The following ATP10B variants were observed in gnomAD, a reference collection of about 807,000 sequenced individuals.
ATP10B encodes phospholipid-transporting ATPase VB.
Under a neutral mutation model 141.2 loss-of-function variants are expected in ATP10B, and 122 were observed. The ratio of observed to expected loss-of-function variants is 0.86; its 90% CI spans 0.75 to 1.00. The LOEUF is 1.00. ATP10B is among the 50% of genes least tolerant of loss of function. The pLI, the probability that ATP10B is intolerant of heterozygous loss-of-function variation, is 0.00. For synonymous variants in ATP10B, 685 were observed against 692.0 expected (o/e 0.99, Z 0.16); for missense variants, 1,876 against 1,825.3 (o/e 1.03, Z -0.51).
chr5:160,756,654 C>G (rs1298817400), intron 2 of ATP10B, among the ~76,000 whole-genome samples: 1 of 151,682 alleles, frequency 6.6e-6, no homozygotes, highest in Non-Finnish European at 1.5e-5. Flanking sequence ...TATTTGCCAT[C>G]CGTAATTTTT....
At chr5:160,873,418 A>T in the ATP10B span, among the ~76,000 whole-genome samples, 6 of 152,010 alleles carry the variant, frequency 3.9e-5, no homozygotes, top group Non-Finnish European at 7.4e-5. Flanking sequence ...ACATAATAAA[A>T]GGTACACAGG....
chr5:160,687,783 G>A lies in ATP10B; in HGVS notation c.275+17C>T. 6.2e-7 allele frequency: 1 copy of A among 1,609,502 alleles called. No homozygotes were observed. Among genetic ancestry groups the A allele is most frequent in the Non-Finnish European group, 8.5e-7 (1 of 1,177,366 alleles). On this transcript the variant is annotated intron_variant, in intron 5 of 25. Transcript: ENST00000327245. The stretch of plus-strand genomic sequence containing the variant: ...CTTTCTCTAAAAAGAGTATTGTTCA[G>A]ACAAGTGGATCTCTACCTATGAAAT...
At chr5:160,859,253 A>G in the ATP10B span, among the ~76,000 whole-genome samples, 1 of 151,870 alleles carries the variant, frequency 6.6e-6, no homozygotes, top group African/African-American at 2.4e-5. Flanking sequence ...GAAACTTCTC[A>G]TATAGAACTT....
At chr5:160,675,514 G>A (rs73306694) in intron 6 of ATP10B, among the ~76,000 whole-genome samples, 1,634 of 152,288 alleles carry the variant, frequency 0.011, 34 homozygotes, top group African/African-American at 0.038. Flanking sequence ...CATTTCTCAA[G>A]CATCTGGATT....
At chr5:160,657,753 G>T (rs1761605758) in intron 7 of ATP10B, among the ~76,000 whole-genome samples, 1 of 152,226 alleles carries the variant, frequency 6.6e-6, no homozygotes, top group Admixed American at 6.5e-5. Context: ...AATTGTCTGT[G>T]TAATTCCCTG....
In ATP10B at chr5:160,564,045, T is replaced by C. The variant is rs2127590387; in HGVS notation, c.*1408A>G. On this transcript the variant is annotated 3_prime_UTR_variant, in exon 26 of 26. Coordinates refer to ENST00000327245, the MANE Select transcript of ATP10B (RefSeq NM_025153.3). ...CTCCCTGTGTCATTTGCCAACTTGA[T>C]TGAATGTTTTCTGGCATCTTTGCTG... 6.6e-6 allele frequency: 1 copy of C among 152,398 alleles called. No individual in the cohort carries two copies. The highest frequency in any genetic ancestry group is 1.9e-4 in the East Asian group (1 of 5,186). 9.4% of individuals were successfully genotyped at this position (152,398 alleles called of 1,614,324 possible).
the ATP10B span, among the ~76,000 whole-genome samples, chr5:160,927,143 G>T: frequency 1.3e-5 from 2 of 152,124 alleles, no homozygotes; most frequent in Non-Finnish European, 1.5e-5. Context: ...GAAACACCTT[G>T]GATCCCCTGA....
At position 160,686,280 on chromosome 5, in the gene ATP10B, G is replaced by A. The variant is rs771602397; in HGVS notation, c.276-7C>T. ...GAAATAGAGGTTAGCCCATCTGGAG[G>A]GGCAAGCGAAGTGTGAATAAACACT... On this transcript the variant is annotated splice_polypyrimidine_tract_variant and splice_region_variant and intron_variant, in intron 5 of 25. Transcript: ENST00000327245. 15 of 1,564,520 alleles carry A rather than the reference G, an allele frequency of 9.6e-6. No individual in the cohort carries two copies. The South Asian group carries it at 1.4e-4, about 15-fold the overall frequency.
At chr5:160,841,538 T>C (rs1775809894) in intron 1 of ATP10B, among the ~76,000 whole-genome samples, 1 of 152,058 alleles carries the variant, frequency 6.6e-6, no homozygotes, top group South Asian at 2.1e-4. Flanking sequence ...TTTAATGTTC[T>C]CTATATTCAA....
chr5:160,593,462 T>C (rs1209711473), intron 22 of ATP10B, among the ~76,000 whole-genome samples: 1 of 151,926 alleles, frequency 6.6e-6, no homozygotes, highest in Non-Finnish European at 1.5e-5. Context: ...ACCACAAAGA[T>C]GGGGAAAAAA....
chr5:160,813,079 C>T (rs1773288850), intron 1 of ATP10B, among the ~76,000 whole-genome samples: 1 of 152,222 alleles, frequency 6.6e-6, no homozygotes, highest in South Asian at 2.1e-4. Context: ...TGGGTGATTT[C>T]TGCATTTCCA....
chr5:160,617,768 C>A (rs975819123), intron 16 of ATP10B, 96 bp downstream of exon 16: 11 of 1,050,272 alleles, frequency 1.0e-5, no homozygotes, highest in Non-Finnish European at 1.6e-5. Context: ...TTAAAACAAC[C>A]ACCTCTAAGG....
At chr5:160,929,154 TG>T in the ATP10B span, among the ~76,000 whole-genome samples, 14 of 152,198 alleles carry the variant, frequency 9.2e-5, no homozygotes, top group African/African-American at 3.1e-4. Context: ...TGCCCCAGGC[TG>T]GCAATTGGTG....
chr5:160,634,909 T>C (rs147561938), intron 11 of ATP10B, among the ~76,000 whole-genome samples: 1 of 152,222 alleles, frequency 6.6e-6, no homozygotes, highest in Admixed American at 6.5e-5. Flanking sequence ...TTTAGATCTC[T>C]GTGCCACCAA....
At chr5:160,797,665 A>C (rs1349651169) in intron 1 of ATP10B, among the ~76,000 whole-genome samples, 1 of 152,230 alleles carries the variant, frequency 6.6e-6, no homozygotes, top group East Asian at 1.9e-4. Context: ...GTGTGAACAA[A>C]CTAGGAGGGA....
chr5:160,696,435 T>G (rs1201693205), intron 3 of ATP10B, among the ~76,000 whole-genome samples: 1 of 152,216 alleles, frequency 6.6e-6, no homozygotes, highest in East Asian at 1.9e-4. Flanking sequence ...ACTTTGGTTT[T>G]GAGCTAAACC....
intron 24 of ATP10B, among the ~76,000 whole-genome samples, chr5:160,570,574 A>C (rs1477836962): frequency 6.6e-6 from 1 of 151,972 alleles, no homozygotes; most frequent in African/African-American, 2.4e-5. Context: ...GAGCACTTTA[A>C]CTCTCTTTAC....
chr5:160,775,013 T>A (rs1465106997), intron 2 of ATP10B, among the ~76,000 whole-genome samples: 2 of 152,200 alleles, frequency 1.3e-5, no homozygotes, highest in Non-Finnish European at 2.9e-5. Context: ...CCCACCAGGC[T>A]CCTATGGAGA....
At chr5:160,792,069 C>A (rs1278831723) in intron 1 of ATP10B, among the ~76,000 whole-genome samples, 1 of 152,058 alleles carries the variant, frequency 6.6e-6, no homozygotes, top group African/African-American at 2.4e-5. Flanking sequence ...TCAAATCTTA[C>A]CTCCTCCAAT....
Sources: gnomAD v4.1 joint callset for allele counts (sites outside exome capture counted in the v4.1 genomes callset) on GRCh38, gnomAD v4.1.1 for gene constraint, MANE v1.5 for transcripts, NCBI Gene and HGNC (gene_info 2026-07-23, HGNC 2026-07-21) for gene names.